Variants in LRP1B observed in about 807,000 individuals in gnomAD.
LRP1B encodes low-density lipoprotein receptor-related protein 1B.
LRP1B carries 217 observed loss-of-function variants against 556.6 expected under a neutral mutation model. The ratio of observed to expected loss-of-function variants is 0.39; its 90% CI spans 0.35 to 0.44. The LOEUF is 0.44. LRP1B is among the 20% of genes least tolerant of loss of function. The pLI is 1.00. For missense variants in LRP1B, 5,053 were observed against 5,620.8 expected (o/e 0.90, Z 3.23); for synonymous variants, 2,047 against 1,865.8 (o/e 1.10, Z -2.50).
intron 1 of LRP1B, among the ~76,000 whole-genome samples, chr2:141,859,453 C>A (rs773317367): frequency 1.4e-4 from 21 of 152,052 alleles, no homozygotes; most frequent in Non-Finnish European, 2.5e-4. Context: ...TCATGATTTT[C>A]CATTAAACAT....
chr2:141,812,936 GA>G (rs1024401693), intron 1 of LRP1B, among the ~76,000 whole-genome samples: 44 of 147,244 alleles, frequency 3.0e-4, no homozygotes, highest in Middle Eastern at 3.4e-3. Context: ...TATATAGATA[GA>G]AAAAAAAAAG....
chr2:141,982,454 G>C (rs1276498427), intron 1 of LRP1B, among the ~76,000 whole-genome samples: 3 of 152,122 alleles, frequency 2.0e-5, no homozygotes, highest in African/African-American at 7.2e-5. Context: ...AGACACTTTA[G>C]AGTGACTTCA....
At chr2:141,048,874 C>T in intron 11 of LRP1B, 112 bp downstream of exon 11, 1 of 793,848 alleles carries the variant, frequency 1.3e-6, no homozygotes, top group Non-Finnish European at 2.1e-6. Flanking sequence ...ATTTTTGAAC[C>T]AACCAGAAGA....
intron 2 of LRP1B, among the ~76,000 whole-genome samples, chr2:141,743,225 A>T (rs1351039159): frequency 2.0e-5 from 3 of 152,126 alleles, no homozygotes; most frequent in Non-Finnish European, 2.9e-5. Context: ...TGTTGACATG[A>T]TTATCACACC....
chr2:141,218,365 C>G (rs531656385), intron 6 of LRP1B, among the ~76,000 whole-genome samples: 2 of 152,240 alleles, frequency 1.3e-5, no homozygotes, highest in South Asian at 4.1e-4. Flanking sequence ...TTCACAACCA[C>G]AAAGACATAG....
intron 20 of LRP1B, among the ~76,000 whole-genome samples, chr2:140,928,392 T>C (rs957743520): frequency 6.6e-6 from 1 of 152,144 alleles, no homozygotes; most frequent in Non-Finnish European, 1.5e-5. Context: ...TCATTTTACA[T>C]ATCTATTGTG....
At chr2:141,420,053 T>C (rs6719972) in intron 3 of LRP1B, among the ~76,000 whole-genome samples, 3,672 of 152,318 alleles carry the variant, frequency 0.024, 74 homozygotes, top group East Asian at 0.091. Context: ...ATTAAAGCCC[T>C]CTGCTTCCTT....
In LRP1B at chr2:140,776,123, T is replaced by G; in HGVS notation, c.5475A>C (p.Lys1825Asn). Residue 1825 changes from lysine (K) to asparagine (N), a missense_variant, in exon 33 of 91, where the codon AAA (lysine) becomes AAC (asparagine). Lys to Asn is a moderately conservative substitution (Grantham distance 94). Transcript: ENST00000389484. ...RNKTSGVVHM[K>N]VYDKEAQQGS... Reference sequence around the variant, plus strand: ...CTTGCTGTGCTTCTTTATCATAGACTTTCATATGAACTACCCCAGAAGTCT... The same window carrying G: ...CTTGCTGTGCTTCTTTATCATAGACGTTCATATGAACTACCCCAGAAGTCT... 1 of 1,567,460 alleles carries G rather than the reference T, an allele frequency of 6.4e-7. No homozygotes were observed. The highest frequency in any genetic ancestry group is 1.2e-5 in the South Asian group (1 of 84,380).
At chr2:140,281,321 A>G (rs576616736) in intron 84 of LRP1B, among the ~76,000 whole-genome samples, 1 of 152,076 alleles carries the variant, frequency 6.6e-6, no homozygotes, top group African/African-American at 2.4e-5. Context: ...TCTATAGAAA[A>G]GTAATTGCCA....
intron 7 of LRP1B, among the ~76,000 whole-genome samples, chr2:141,155,873 G>C (rs1190587411): frequency 6.6e-6 from 1 of 152,078 alleles, no homozygotes; most frequent in Non-Finnish European, 1.5e-5. Flanking sequence ...TGTAGCTGAA[G>C]ATATTTTTTC....
At chr2:140,488,292 C>T (rs1688561614) in intron 57 of LRP1B, among the ~76,000 whole-genome samples, 1 of 151,994 alleles carries the variant, frequency 6.6e-6, no homozygotes, top group African/African-American at 2.4e-5. Flanking sequence ...CAGATGGCCC[C>T]TTGGCAATAC....
chr2:140,648,900 T>A (rs1684577945), intron 41 of LRP1B, among the ~76,000 whole-genome samples: 1 of 152,006 alleles, frequency 6.6e-6, no homozygotes, highest in Non-Finnish European at 1.5e-5. Context: ...TGAAACACAA[T>A]TTATAGAGTT....
intron 2 of LRP1B, among the ~76,000 whole-genome samples, chr2:141,683,602 A>G (rs1303140872): frequency 6.6e-6 from 1 of 152,114 alleles, no homozygotes; most frequent in Non-Finnish European, 1.5e-5. Flanking sequence ...CAAAGGGTTA[A>G]AGGTGGGCCT....
chr2:141,296,213 C>A (rs1686178475), intron 3 of LRP1B, among the ~76,000 whole-genome samples: 1 of 152,036 alleles, frequency 6.6e-6, no homozygotes, highest in Admixed American at 6.6e-5. Flanking sequence ...GAAACTGAGG[C>A]CATGAAATTT....
At chr2:141,312,202 T>C (rs1686837411) in intron 3 of LRP1B, among the ~76,000 whole-genome samples, 1 of 152,162 alleles carries the variant, frequency 6.6e-6, no homozygotes, top group South Asian at 2.1e-4. Context: ...CTTTACTTCC[T>C]CTACCTCTAT....
intron 2 of LRP1B, among the ~76,000 whole-genome samples, chr2:141,522,415 G>A (rs1263875549): frequency 2.0e-5 from 3 of 150,942 alleles, no homozygotes; most frequent in African/African-American, 7.3e-5. Flanking sequence ...CCTGAATGTG[G>A]CAGGAAGAAG....
chr2:141,200,692 T>C (rs1274682456), intron 6 of LRP1B, among the ~76,000 whole-genome samples: 1 of 152,236 alleles, frequency 6.6e-6, no homozygotes, highest in Middle Eastern at 3.4e-3. Flanking sequence ...AATTTTATTT[T>C]TCTTGTAGTT....
intron 66 of LRP1B, among the ~76,000 whole-genome samples, chr2:140,433,242 C>T (rs1378873746): frequency 2.6e-5 from 4 of 152,154 alleles, no homozygotes; most frequent in East Asian, 1.9e-4. Flanking sequence ...GGATTACAGG[C>T]GCACATCACC....
intron 1 of LRP1B, among the ~76,000 whole-genome samples, chr2:141,881,920 T>C (rs1698972852): frequency 1.3e-5 from 2 of 152,076 alleles, no homozygotes; most frequent in Admixed American, 6.6e-5. Context: ...TTAAATATGA[T>C]TCAAGGAACT....
Sources: allele counts gnomAD v4.1 joint callset (sites outside exome capture counted in the v4.1 genomes callset), GRCh38; gene constraint gnomAD v4.1.1; transcripts MANE v1.5; gene names NCBI Gene and HGNC (gene_info 2026-07-23, HGNC 2026-07-21).